The following ZNF682 variants were observed in gnomAD, a reference collection of about 807,000 sequenced individuals.
ZNF682 encodes zinc finger protein 682.
Under a neutral mutation model 36.5 loss-of-function variants are expected in ZNF682, and 29 were observed. The observed-to-expected ratio is 0.80, with a 90% CI of 0.59 to 1.08. The LOEUF (loss-of-function observed/expected upper bound fraction) is 1.08. Ranked by LOEUF, ZNF682 falls within the 50% of genes least tolerant of loss-of-function variation. The pLI, the probability that ZNF682 is intolerant of heterozygous loss-of-function variation, is 0.00. For synonymous variants in ZNF682, 180 were observed against 197.0 expected (o/e 0.91, Z 0.72); for missense variants, 561 against 579.7 (o/e 0.97, Z 0.33).
At chr19:19,997,582 C>T (rs900197072) in intron 3 of ZNF682, among the ~76,000 whole-genome samples, 9 of 152,170 alleles carry the variant, frequency 5.9e-5, no homozygotes, top group Non-Finnish European at 8.8e-5. Flanking sequence ...AGGGAAAATA[C>T]TAGTTCCTGT....
intron 2 of ZNF682, 83 bp from the exon 3 acceptor site, chr19:20,023,182 G>T: frequency 8.4e-7 from 1 of 1,193,398 alleles, no homozygotes; most frequent in Non-Finnish European, 1.2e-6. Context: ...AGATAAGAGA[G>T]AATATTATAG....
At chr19:20,022,262 A>C (rs574060394) in intron 3 of ZNF682, among the ~76,000 whole-genome samples, 2 of 152,176 alleles carry the variant, frequency 1.3e-5, no homozygotes, top group African/African-American at 4.8e-5. Flanking sequence ...TTGTGGTGTT[A>C]CTGGGATTTT....
rs1357266109 is a variant in ZNF682 at position 20,006,542 on chromosome 19, T to C, written c.960A>G (p.Lys320=). 3 of 1,614,150 alleles carry C rather than the reference T, an allele frequency of 1.9e-6. No homozygotes were observed. The highest frequency in any genetic ancestry group is 2.5e-6 in the Non-Finnish European group (3 of 1,180,018). ...KKPYKCKECG[K]AFNHCSLLTI... ...TAAGTAGTGAGCAGTGGTTAAAGGC[T>C]TTCCCACATTCTTTACATTTGTAGG... Residue 320 remains lysine (K), a synonymous_variant, in exon 4 of 4, where the codon AAA becomes AAG. Transcript: ENST00000397165.
chr19:20,031,819 G>A (rs1003072157), intron 1 of ZNF682, among the ~76,000 whole-genome samples: 4 of 151,692 alleles, frequency 2.6e-5, no homozygotes, highest in Admixed American at 1.3e-4. Flanking sequence ...GCGGGTGCCT[G>A]TAGTCCCAGC....
At chr19:20,024,699 G>A (rs1200369176) in intron 1 of ZNF682, among the ~76,000 whole-genome samples, 5 of 152,116 alleles carry the variant, frequency 3.3e-5, no homozygotes, top group Admixed American at 1.3e-4. Flanking sequence ...TTAGCTGGGT[G>A]TGGTGGTGCA....
At position 20,005,952 on chromosome 19, in the gene ZNF682, A is replaced by G; in HGVS notation, c.*53T>C. On this transcript the variant is annotated 3_prime_UTR_variant, in exon 4 of 4. Transcript: ENST00000397165. ...GATTTCAATGCCTTGAGCAAGATTT[A>G]TGGAATTTGCCACATTCTTTACATT... 2.0e-6 allele frequency: 3 copies of G among 1,495,830 alleles called. No homozygotes were observed. The highest frequency in any genetic ancestry group is 2.7e-6 in the Non-Finnish European group (3 of 1,110,954). The allele number at this position is 1,495,830 out of a possible 1,614,324, so 92.7% of individuals were successfully genotyped here. A position where few individuals can be genotyped will look rare whatever the true frequency, so the allele number is the denominator to read the frequency against.
chr19:20,023,235 A>G, intron 2 of ZNF682, 136 bp from the exon 3 acceptor site: 2 of 717,302 alleles, frequency 2.8e-6, no homozygotes, highest in Non-Finnish European at 4.3e-6. Context: ...GCGTTGGCTC[A>G]TACCTGTAAT....
At chr19:20,013,637 G>A (rs1599606846) in intron 3 of ZNF682, among the ~76,000 whole-genome samples, 1 of 152,234 alleles carries the variant, frequency 6.6e-6, no homozygotes, top group East Asian at 1.9e-4. Context: ...CTGGAGCGCA[G>A]TGGCGCGATC....
chr19:20,002,307 A>G (rs935886984), downstream of ZNF682, among the ~76,000 whole-genome samples: 3 of 147,624 alleles, frequency 2.0e-5, no homozygotes, highest in African/African-American at 5.0e-5. Context: ...GTTGACCAGG[A>G]TGGTCTTGAT....
chr19:20,026,354 A>G (rs2122370821), intron 1 of ZNF682, among the ~76,000 whole-genome samples: 1 of 152,298 alleles, frequency 6.6e-6, no homozygotes, highest in South Asian at 2.1e-4. Flanking sequence ...TCCAGATGGA[A>G]CCTAAACAAT....
chr19:20,001,519 G>A (rs1275755568), downstream of ZNF682, among the ~76,000 whole-genome samples: 2 of 152,184 alleles, frequency 1.3e-5, no homozygotes, highest in Admixed American at 6.5e-5. Flanking sequence ...GATGCAGCCT[G>A]GTATAACATC....
chr19:20,006,129 C>T lies in ZNF682; in HGVS notation c.1373G>A (p.Cys458Tyr), dbSNP rs367928960. ...TGAGCACCGTTTAAAAGCTTTGCCA[C>T]ATTCTTCACATTTATAGCGTTTGAC... is the stretch of plus-strand genomic sequence containing the variant. ...TAVKRYKCEECGKAFKRCSHL... is the reference protein window; with the variant it reads ...TAVKRYKCEEYGKAFKRCSHL... The change falls in exon 4 of 4, where the codon TGT becomes TAT. Residue 458 changes from cysteine (C) to tyrosine (Y), a missense_variant. Coordinates refer to ENST00000397165, the MANE Select transcript of ZNF682 (RefSeq NM_033196.3). 1.3e-4 allele frequency: 205 copies of T among 1,613,014 alleles called. 1 individual carries two copies. The highest frequency in any genetic ancestry group is 1.7e-4 in the Non-Finnish European group (200 of 1,179,162).
At chr19:20,007,497 G>A in intron 3 of ZNF682, 1 of 462,014 alleles carries the variant, frequency 2.2e-6, no homozygotes, top group East Asian at 3.6e-5. Context: ...TGCAGAAACT[G>A]TGGTTGAAGA....
chr19:20,000,184 C>A (rs188798112), downstream of ZNF682, among the ~76,000 whole-genome samples: 2 of 152,048 alleles, frequency 1.3e-5, no homozygotes, highest in Non-Finnish European at 2.9e-5. Context: ...GTGGAAGGAA[C>A]CTTGAAGAGT....
intron 3 of ZNF682, among the ~76,000 whole-genome samples, chr19:20,019,765 A>C (rs889056233): frequency 2.0e-5 from 3 of 152,180 alleles, no homozygotes; most frequent in African/African-American, 7.2e-5. Flanking sequence ...AACCAAAACA[A>C]TGATAAAATA....
intron 1 of ZNF682, among the ~76,000 whole-genome samples, chr19:20,025,882 A>G (rs986471011): frequency 6.6e-6 from 1 of 152,266 alleles, no homozygotes; most frequent in East Asian, 1.9e-4. Context: ...ATAACCTCTA[A>G]TAATGTATTT....
chr19:20,036,268 C>T (rs1189151694), intron 1 of ZNF682, among the ~76,000 whole-genome samples: 1 of 151,476 alleles, frequency 6.6e-6, no homozygotes, highest in East Asian at 1.9e-4. Context: ...TGAAGAGATA[C>T]CCTTCTGTAT....
chr19:20,038,214 C>CTT (rs900871892), intron 1 of ZNF682, among the ~76,000 whole-genome samples: 1 of 146,456 alleles, frequency 6.8e-6, no homozygotes, highest in Admixed American at 6.8e-5. Flanking sequence ...GTTTTTTGGT[C>CTT]TTTTTTTTTT....
chr19:20,015,704 T>G, intron 3 of ZNF682: 1 of 392,734 alleles, frequency 2.5e-6, no homozygotes, highest in Non-Finnish European at 4.5e-6. Context: ...CATTAATATT[T>G]CACAGAAACC....
Sources: gnomAD v4.1 joint callset for allele counts (sites outside exome capture counted in the v4.1 genomes callset) on GRCh38, gnomAD v4.1.1 for gene constraint, MANE v1.5 for transcripts, NCBI Gene and HGNC (gene_info 2026-07-23, HGNC 2026-07-21) for gene names.